SLC17A6: variants seen among roughly 807,000 people sequenced by gnomAD.
SLC17A6 encodes solute carrier family 17 member 6, also known as vesicular glutamate transporter 2.
SLC17A6 carries 35 observed loss-of-function variants against 67.1 expected under a neutral mutation model. The observed-to-expected ratio is 0.52, with a 90% CI of 0.40 to 0.69. The LOEUF (loss-of-function observed/expected upper bound fraction) is 0.69, where lower values mean the gene tolerates loss of function less well. SLC17A6 is among the 30% of genes least tolerant of loss of function. SLC17A6 has a pLI of 0.00. For missense variants in SLC17A6, 588 were observed against 723.9 expected, an observed-to-expected ratio of 0.81 and a Z score of 2.15; for synonymous variants, 285 against 252.3, an observed-to-expected ratio of 1.13 and a Z score of -1.23.
Position 22,338,501 on chromosome 11 carries a change from A to G in SLC17A6, c.-33A>G, listed in dbSNP as rs1453289029. ...GCCTTTCCTAGCAATCACTATTTAA[A>G]TCTGGCAAGAACTGACAACAGTCTT... On this transcript the variant is annotated 5_prime_UTR_variant, in exon 1 of 12. Coordinates refer to ENST00000263160, the MANE Select transcript of SLC17A6 (RefSeq NM_020346.3). The G allele has an allele frequency of 2.7e-6, 4 of 1,487,022 alleles. No homozygotes were observed. In the Admixed American group the frequency reaches 6.8e-5, roughly 25 times the overall value. 92.1% of individuals were successfully genotyped at this position (1,487,022 alleles called of 1,614,324 possible). A position where few individuals can be genotyped will look rare whatever the true frequency, so the allele number is the denominator to read the frequency against.
chr11:22,339,505 C>G (rs191224545), intron 1 of SLC17A6, among the ~76,000 whole-genome samples: 501 of 152,138 alleles, frequency 3.3e-3, no homozygotes, highest in African/African-American at 0.011. Context: ...CCTGTAGTCA[C>G]TATACTAATT....
At chr11:22,376,697 A>T in intron 11 of SLC17A6, 25 bp downstream of exon 11, 1 of 1,611,602 alleles carries the variant, frequency 6.2e-7, no homozygotes, top group Non-Finnish European at 8.5e-7. Context: ...ACAGATGTTT[A>T]GTCATAGAAG....
chr11:22,370,329 A>C, intron 8 of SLC17A6, 141 bp downstream of exon 8: 1 of 692,754 alleles, frequency 1.4e-6, no homozygotes, highest in South Asian at 2.1e-5. Context: ...TAGGAAATAG[A>C]AGCAAAGTAA....
rs1855760694 is a variant in SLC17A6, at chr11:22,338,442, A to G, written c.-92A>G. The G allele has an allele frequency of 3.3e-6, 3 of 905,868 alleles. No individual in the cohort carries two copies. The highest frequency in any genetic ancestry group is 1.7e-5 in the African/African-American group (1 of 60,264). 56.1% of individuals were successfully genotyped at this position (905,868 alleles called of 1,614,324 possible). On this transcript the variant is annotated 5_prime_UTR_variant, in exon 1 of 12. Transcript: ENST00000263160. The stretch of plus-strand genomic sequence containing the variant: ...TGCTGAGAAGGAAAAGCCCGCAACT[A>G]CTTTAAGAGATTAAGACAATATGCG...
chr11:22,359,380 A>G (rs762779951), intron 3 of SLC17A6, 33 bp from the exon 4 acceptor site: 5 of 1,376,178 alleles, frequency 3.6e-6, no homozygotes, highest in Non-Finnish European at 5.0e-6. Context: ...ATGCTGAATC[A>G]TTTAAACAGT....
intron 3 of SLC17A6, among the ~76,000 whole-genome samples, chr11:22,343,932 C>A (rs771678485): frequency 4.6e-5 from 7 of 152,114 alleles, no homozygotes; most frequent in Non-Finnish European, 7.4e-5. Context: ...GGGGAGCCCT[C>A]AGCTGCTTTC....
At position 22,343,217 on chromosome 11, in the gene SLC17A6, C is replaced by T. The variant is rs113986972; in HGVS notation, c.340-30C>T. The stretch of plus-strand genomic sequence containing the variant: ...CCTTTGGTACTGACTCTACTCTTTC[C>T]CTTCACACTTTTTTCCTACCCCTCC... On this transcript the variant is annotated intron_variant, in intron 2 of 11. Transcript: ENST00000263160. 58 of 1,571,380 alleles carry T rather than the reference C, an allele frequency of 3.7e-5. No individual in the cohort carries two copies. The African/African-American group carries it at 3.9e-4, about 11-fold the overall frequency.
chr11:22,347,528 A>G (rs1855892456), intron 3 of SLC17A6, among the ~76,000 whole-genome samples: 1 of 151,928 alleles, frequency 6.6e-6, no homozygotes, highest in African/African-American at 2.4e-5. Flanking sequence ...AAGGAATAAA[A>G]CCTCTGTGAC....
At chr11:22,374,983 A>C in intron 9 of SLC17A6, 96 bp downstream of exon 9, 1 of 1,199,280 alleles carries the variant, frequency 8.3e-7, no homozygotes, top group South Asian at 1.9e-5. Context: ...AATTACTTAG[A>C]TGCAGTTACA....
rs138915233 is a variant in SLC17A6 at position 22,363,779 on chromosome 11, AT to A, written c.748+964del. Among the ~76,000 whole-genome samples the A allele has an allele frequency of 6.6e-3, 1,000 of 150,502 alleles. 41 individuals carry two copies. In the East Asian group the frequency reaches 0.12, roughly 19 times the overall value. On this transcript the variant is annotated intron_variant, in intron 6 of 11. Coordinates refer to ENST00000263160, the MANE Select transcript of SLC17A6 (RefSeq NM_020346.3). ...GCAAGTCATATAGGTATTCGTGAACATTTTTTTTTTCTTAGGGAGATTTTTT... is the reference window on the plus strand; with the variant it reads ...GCAAGTCATATAGGTATTCGTGAACATTTTTTTTTCTTAGGGAGATTTTTT...
intron 3 of SLC17A6, among the ~76,000 whole-genome samples, chr11:22,357,630 G>C (rs1200884969): frequency 2.0e-5 from 3 of 152,150 alleles, no homozygotes; most frequent in Non-Finnish European, 4.4e-5. Context: ...TCTCTCACCA[G>C]CTTATCACGA....
At chr11:22,341,028 G>T (rs1855808894) in intron 1 of SLC17A6, among the ~76,000 whole-genome samples, 1 of 152,216 alleles carries the variant, frequency 6.6e-6, no homozygotes, top group South Asian at 2.1e-4. Context: ...GGGTGGGAAA[G>T]GCTCTCTAGT....
chr11:22,376,958 A>C (rs1015562021), intron 11 of SLC17A6, among the ~76,000 whole-genome samples: 4 of 152,146 alleles, frequency 2.6e-5, no homozygotes, highest in African/African-American at 7.2e-5. Flanking sequence ...TAAAATACTC[A>C]AGCAGATGTC....
rs774279048 is a variant in SLC17A6, at chr11:22,376,014, G to A, written c.1207G>A (p.Val403Ile). 6.2e-6 allele frequency: 10 copies of A among 1,609,836 alleles called. No individual in the cohort carries two copies. The highest frequency in any genetic ancestry group is 1.7e-5 in the Admixed American group (1 of 59,936). ...FGMEATLLLV[V>I]GYSHTRGVAI... is the part of the protein sequence containing the mutation. ...CATGGAAGCCACACTGCTCCTGGTC[G>A]TTGGCTATTCTCATACTAGAGGGGT... Residue 403 changes from valine (V) to isoleucine (I), a missense_variant, in exon 10 of 12, where the codon GTT (valine) becomes ATT (isoleucine). Val to Ile is a conservative substitution (Grantham distance 29, BLOSUM62 3). This residue lies in a region of SLC17A6 where 414 missense variants were observed against 563.4 expected (regional missense o/e 0.73). Coordinates refer to ENST00000263160, the MANE Select transcript of SLC17A6 (RefSeq NM_020346.3).
intron 10 of SLC17A6, among the ~76,000 whole-genome samples, 186 bp downstream of exon 10, chr11:22,376,278 C>T (rs73469718): frequency 6.6e-6 from 1 of 151,864 alleles, no homozygotes; most frequent in African/African-American, 2.4e-5. Flanking sequence ...TTTGTTAATA[C>T]TCAATTTCCT....
chr11:22,342,440 C>G (rs865924618), intron 2 of SLC17A6, among the ~76,000 whole-genome samples: 1 of 152,056 alleles, frequency 6.6e-6, no homozygotes, highest in African/African-American at 2.4e-5. Context: ...TCTTGGAATC[C>G]GGGAGACCTT....
intron 3 of SLC17A6, among the ~76,000 whole-genome samples, chr11:22,350,902 T>A (rs1056398835): frequency 1.1e-4 from 17 of 152,290 alleles, no homozygotes; most frequent in African/African-American, 3.8e-4. Flanking sequence ...TTAAAAATTG[T>A]GTAATTTGCT....
At chr11:22,353,237 C>G (rs1590383428) in intron 3 of SLC17A6, among the ~76,000 whole-genome samples, 1 of 152,028 alleles carries the variant, frequency 6.6e-6, no homozygotes, top group South Asian at 2.1e-4. Flanking sequence ...GGAAACATTT[C>G]CATTATACAG....
At chr11:22,373,463 ATT>A (rs370116812) in intron 8 of SLC17A6, among the ~76,000 whole-genome samples, 1 of 147,654 alleles carries the variant, frequency 6.8e-6, no homozygotes. Context: ...AGCAATAATG[ATT>A]TTTTTTTTTA....
Sources: allele counts gnomAD v4.1 joint callset (sites outside exome capture counted in the v4.1 genomes callset), GRCh38; gene constraint gnomAD v4.1.1; regional missense constraint gnomAD v4.1.1; transcripts MANE v1.5; gene names NCBI Gene and HGNC (gene_info 2026-07-23, HGNC 2026-07-21).